The following TENM3 variants were observed in gnomAD, a reference collection of about 807,000 sequenced individuals.
The protein encoded by TENM3 is teneurin-3.
In TENM3, 63 loss-of-function variants were observed where a neutral mutation model predicts 255.1. That is an observed-to-expected ratio of 0.25 (90% CI 0.20 to 0.30). The LOEUF (loss-of-function observed/expected upper bound fraction) is 0.30. TENM3 is among the 10% of genes least tolerant of loss of function. The pLI, the probability that TENM3 is intolerant of heterozygous loss-of-function variation, is 1.00. For missense variants in TENM3, 2,929 were observed against 3,461.1 expected (o/e 0.85, Z 3.86); for synonymous variants, 1,306 against 1,322.3 (o/e 0.99, Z 0.27).
chr4:181,759,545 C>T, the TENM3 span, among the ~76,000 whole-genome samples: 5 of 151,990 alleles, frequency 3.3e-5, no homozygotes, highest in Admixed American at 1.3e-4. Context: ...TGTTCATAAG[C>T]ATGAAAAACT....
the TENM3 span, among the ~76,000 whole-genome samples, chr4:182,022,171 A>T: frequency 7.4e-5 from 2 of 27,028 alleles, no homozygotes; most frequent in African/African-American, 1.6e-4. Context: ...TGGATTGGAT[A>T]AAAAAAAAAA....
chr4:182,129,445 G>A, the TENM3 span, among the ~76,000 whole-genome samples: 19 of 152,178 alleles, frequency 1.2e-4, 1 homozygote, highest in African/African-American at 3.6e-4. Flanking sequence ...TTTAGAAGGC[G>A]TAGTATTATA....
At chr4:182,619,522 C>G (rs757427117) in intron 4 of TENM3, among the ~76,000 whole-genome samples, 1 of 152,126 alleles carries the variant, frequency 6.6e-6, no homozygotes, top group Non-Finnish European at 1.5e-5. Flanking sequence ...AACCTTTCAA[C>G]TTAAGAAGAC....
At chr4:182,157,170 C>T (rs1390343002) in intron 1 of TENM3, among the ~76,000 whole-genome samples, 1 of 152,062 alleles carries the variant, frequency 6.6e-6, no homozygotes, top group Non-Finnish European at 1.5e-5. Flanking sequence ...TAACTGCTAA[C>T]AAATAACAAA....
intron 3 of TENM3, among the ~76,000 whole-genome samples, chr4:182,459,185 A>G (rs1290523416): frequency 6.6e-6 from 1 of 152,228 alleles, no homozygotes. Flanking sequence ...CCGAGAGAGT[A>G]TTTACCACAG....
At position 182,785,056 on chromosome 4, in the gene TENM3, A is replaced by G. The variant is rs1031430849; in HGVS notation, c.5305-4037A>G. Among the ~76,000 whole-genome samples, 138 of 151,762 alleles carry G rather than the reference A, an allele frequency of 9.1e-4. 1 individual carries two copies. The highest frequency in any genetic ancestry group is 3.2e-3 in the Middle Eastern group (1 of 316). On this transcript the variant is annotated intron_variant, in intron 24 of 27. Transcript: ENST00000511685. ...GGAGCTGTAGACCGGAGCTGTTCCT[A>G]TTCGGCCATCTTGGCTCCTCCCCCA...
chr4:182,434,250 G>C (rs1281727460), intron 3 of TENM3, among the ~76,000 whole-genome samples: 1 of 152,122 alleles, frequency 6.6e-6, no homozygotes, highest in African/African-American at 2.4e-5. Flanking sequence ...AGGTGACTGA[G>C]AATGGTGATA....
chr4:182,784,522 GC>G (rs1350947063), intron 24 of TENM3, among the ~76,000 whole-genome samples: 4 of 151,660 alleles, frequency 2.6e-5, no homozygotes, highest in Middle Eastern at 3.2e-3. Flanking sequence ...TCTGTGCCCT[GC>G]CCCCAGAGGT....
chr4:182,100,846 T>C, the TENM3 span, among the ~76,000 whole-genome samples: 1 of 10,876 alleles, frequency 9.2e-5, no homozygotes, highest in Non-Finnish European at 1.8e-4. Context: ...TATACTCATA[T>C]ATATATATAT....
At chr4:182,463,533 C>T (rs931152585) in intron 3 of TENM3, among the ~76,000 whole-genome samples, 2 of 151,474 alleles carry the variant, frequency 1.3e-5, no homozygotes, top group East Asian at 3.9e-4. Context: ...TGCAGTGGTG[C>T]GATCTCTGCT....
the TENM3 span, among the ~76,000 whole-genome samples, chr4:181,785,143 G>A: frequency 4.6e-5 from 7 of 152,182 alleles, no homozygotes; most frequent in Non-Finnish European, 7.3e-5. Flanking sequence ...GAAGGCACAT[G>A]TGTGAAGTTG....
chr4:181,601,131 T>C, the TENM3 span, among the ~76,000 whole-genome samples: 1 of 152,148 alleles, frequency 6.6e-6, no homozygotes, highest in African/African-American at 2.4e-5. Context: ...TGCATTAGTT[T>C]TCTATGGCTG....
intron 12 of TENM3, among the ~76,000 whole-genome samples, chr4:182,703,339 G>A (rs910054754): frequency 6.6e-6 from 1 of 152,206 alleles, no homozygotes; most frequent in Non-Finnish European, 1.5e-5. Flanking sequence ...ACAAAAAATG[G>A]TTTGAGGAAA....
At chr4:181,548,376 G>A in the TENM3 span, among the ~76,000 whole-genome samples, 4 of 152,246 alleles carry the variant, frequency 2.6e-5, no homozygotes, top group East Asian at 1.9e-4. Context: ...GTTTATTGCA[G>A]CACTATTCAC....
chr4:181,673,176 G>GC, the TENM3 span, among the ~76,000 whole-genome samples: 1 of 152,166 alleles, frequency 6.6e-6, no homozygotes, highest in African/African-American at 2.4e-5. Flanking sequence ...CCTGTTTTAT[G>GC]CGTATACCTA....
chr4:182,684,034 G>A (rs1245591294), intron 11 of TENM3, among the ~76,000 whole-genome samples: 1 of 151,858 alleles, frequency 6.6e-6, no homozygotes, highest in African/African-American at 2.4e-5. Context: ...GAGGCTGATT[G>A]AAGAGGCAGG....
the TENM3 span, among the ~76,000 whole-genome samples, chr4:182,035,163 TTG>T: frequency 6.6e-6 from 1 of 152,238 alleles, no homozygotes; most frequent in Non-Finnish European, 1.5e-5. Flanking sequence ...ACCTGAAGGT[TTG>T]TTTCTATCAG....
At chr4:181,596,390 G>A in the TENM3 span, among the ~76,000 whole-genome samples, 1 of 151,984 alleles carries the variant, frequency 6.6e-6, no homozygotes, top group Non-Finnish European at 1.5e-5. Context: ...TCCCAGTTTT[G>A]GGTGTCTTTA....
At chr4:182,512,730 T>C (rs1400716183) in intron 3 of TENM3, among the ~76,000 whole-genome samples, 1 of 152,184 alleles carries the variant, frequency 6.6e-6, no homozygotes, top group Admixed American at 6.5e-5. Flanking sequence ...TTGAACTGCC[T>C]CTGTTTAATC....
Sources: gnomAD v4.1 joint callset for allele counts (sites outside exome capture counted in the v4.1 genomes callset) on GRCh38, gnomAD v4.1.1 for gene constraint, MANE v1.5 for transcripts, NCBI Gene and HGNC (gene_info 2026-07-23, HGNC 2026-07-21) for gene names.